Variants in UNC5D observed in about 807,000 individuals in gnomAD.
UNC5D encodes the protein netrin receptor UNC5D.
A neutral mutation model predicts 105.4 loss-of-function variants in UNC5D; 39 were observed. The ratio of observed to expected loss-of-function variants is 0.37; its 90% CI spans 0.29 to 0.48. The LOEUF (loss-of-function observed/expected upper bound fraction) is 0.48, where lower values mean the gene tolerates loss of function less well. Among genes scored for constraint, UNC5D ranks in the 20% least tolerant of loss-of-function variants. The pLI is 0.98. For missense variants in UNC5D, 991 were observed against 1,202.4 expected (o/e 0.82, Z 2.60); for synonymous variants, 452 against 450.4 (o/e 1.00, Z -0.04).
intron 1 of UNC5D, among the ~76,000 whole-genome samples, chr8:35,278,404 CA>C: frequency 6.6e-6 from 1 of 151,900 alleles, no homozygotes; most frequent in East Asian, 1.9e-4. Flanking sequence ...TTATATCTAG[CA>C]AAAAAATCCT....
chr8:35,251,614 G>T (rs1213399889), intron 1 of UNC5D, among the ~76,000 whole-genome samples: 1 of 152,186 alleles, frequency 6.6e-6, no homozygotes, highest in Admixed American at 6.5e-5. Flanking sequence ...TATATGGAAA[G>T]ATTATACAGT....
chr8:35,789,607 G>A (rs1802935838), intron 16 of UNC5D, among the ~76,000 whole-genome samples: 1 of 152,022 alleles, frequency 6.6e-6, no homozygotes, highest in Admixed American at 6.6e-5. Context: ...AGAGGCATCT[G>A]TAACTGGAAC....
At chr8:35,484,195 A>G (rs1205532389) in intron 1 of UNC5D, among the ~76,000 whole-genome samples, 1 of 152,126 alleles carries the variant, frequency 6.6e-6, no homozygotes, top group Non-Finnish European at 1.5e-5. Context: ...CAAAGAAAAA[A>G]ATTAAGAAGG....
chr8:35,365,591 C>CAAAAAAAAAAAAAAAAAAAAAAA (rs10715369), intron 1 of UNC5D, among the ~76,000 whole-genome samples: 4 of 49,884 alleles, frequency 8.0e-5, no homozygotes, highest in African/African-American at 3.2e-4. Context: ...CCATCCCCTG[C>CAAAAAAAAAAAAAAAAAAAAAAA]AAAAAAAAAA....
chr8:35,729,148 A>G (rs1829052783), intron 10 of UNC5D, among the ~76,000 whole-genome samples: 1 of 152,240 alleles, frequency 6.6e-6, no homozygotes, highest in South Asian at 2.1e-4. Context: ...GGTTGAATTC[A>G]GGAGTATTCT....
At chr8:35,740,696 G>A (rs1829714294) in intron 11 of UNC5D, among the ~76,000 whole-genome samples, 1 of 152,086 alleles carries the variant, frequency 6.6e-6, no homozygotes, top group Admixed American at 6.6e-5. Flanking sequence ...ATATATCCCA[G>A]GGAACATATT....
intron 1 of UNC5D, among the ~76,000 whole-genome samples, chr8:35,299,804 A>G (rs1379217349): frequency 1.3e-5 from 2 of 152,200 alleles, no homozygotes; most frequent in East Asian, 3.9e-4. Context: ...TGAATAAATG[A>G]TAGTGCAGCT....
chr8:35,558,787 A>G (rs1213689136), intron 2 of UNC5D, among the ~76,000 whole-genome samples: 2 of 152,200 alleles, frequency 1.3e-5, no homozygotes, highest in Non-Finnish European at 2.9e-5. Flanking sequence ...GTTTCAGACC[A>G]GCCTGGCCAA....
At chr8:35,569,257 C>G (rs1396176093) in intron 3 of UNC5D, among the ~76,000 whole-genome samples, 3 of 152,132 alleles carry the variant, frequency 2.0e-5, no homozygotes, top group Non-Finnish European at 4.4e-5. Context: ...CCATGGATCC[C>G]CATAAAACCT....
chr8:35,491,199 C>T (rs901268549), intron 1 of UNC5D, among the ~76,000 whole-genome samples: 2 of 152,094 alleles, frequency 1.3e-5, no homozygotes, highest in Non-Finnish European at 2.9e-5. Context: ...CAAAAAAGGA[C>T]GTCCTTCCAG....
At chr8:35,498,349 C>G (rs2130203869) in intron 1 of UNC5D, among the ~76,000 whole-genome samples, 1 of 151,740 alleles carries the variant, frequency 6.6e-6, no homozygotes, top group East Asian at 1.9e-4. Flanking sequence ...TGAAAAGATG[C>G]AAAACCATCC....
intron 8 of UNC5D, among the ~76,000 whole-genome samples, chr8:35,716,246 AAAT>A (rs1208866406): frequency 2.0e-5 from 3 of 152,200 alleles, no homozygotes; most frequent in Non-Finnish European, 4.4e-5. Context: ...ATCATCAGTA[AAAT>A]AAGATATTAA....
chr8:35,426,915 G>C (rs528808102), intron 1 of UNC5D, among the ~76,000 whole-genome samples: 1 of 152,266 alleles, frequency 6.6e-6, no homozygotes, highest in South Asian at 2.1e-4. Flanking sequence ...AGCACAGTGA[G>C]TAAAAGCCAT....
At chr8:35,358,354 G>A (rs1194168993) in intron 1 of UNC5D, among the ~76,000 whole-genome samples, 1 of 152,110 alleles carries the variant, frequency 6.6e-6, no homozygotes, top group Non-Finnish European at 1.5e-5. Context: ...GCAGGGACAT[G>A]GATGAGCTGG....
chr8:35,547,264 G>A (rs533027658), intron 1 of UNC5D, among the ~76,000 whole-genome samples: 3 of 144,442 alleles, frequency 2.1e-5, no homozygotes, highest in African/African-American at 5.1e-5. Flanking sequence ...TCCTCCTGTA[G>A]TTCCTCAACA....
intron 4 of UNC5D, among the ~76,000 whole-genome samples, chr8:35,657,082 A>ATATATATATATATATATATGTATG (rs1563637876): frequency 1.4e-4 from 4 of 28,326 alleles, no homozygotes; most frequent in Admixed American, 3.9e-4. Context: ...GTGTGTGTGT[A>ATATATATATATATATATATGTATG]TATATATATA....
At chr8:35,330,248 TG>T (rs771713099) in intron 1 of UNC5D, among the ~76,000 whole-genome samples, 4 of 152,186 alleles carry the variant, frequency 2.6e-5, no homozygotes, top group Non-Finnish European at 5.9e-5. Context: ...GCTCAATAAA[TG>T]CCTCTTAGGT....
At chr8:35,377,666 C>G (rs971559820) in intron 1 of UNC5D, among the ~76,000 whole-genome samples, 1 of 152,068 alleles carries the variant, frequency 6.6e-6, no homozygotes, top group African/African-American at 2.4e-5. Flanking sequence ...AGAAAGGTGA[C>G]AATATATATC....
At position 35,333,192 on chromosome 8, in the gene UNC5D, G is replaced by T. The variant is rs151272558; in HGVS notation, c.103+97305G>T. Among the ~76,000 whole-genome samples the T allele has an allele frequency of 2.7e-3, 409 of 152,160 alleles. 2 individuals are homozygous for T. The highest frequency in any genetic ancestry group is 9.2e-3 in the African/African-American group (383 of 41,520). On this transcript the variant is annotated intron_variant, in intron 1 of 16. Transcript: ENST00000404895. ...CTACAAAAAATTTTTTAAAAAATTA[G>T]CTGGCTGTGTCTCAGCTACTCAGCA...
Sources: allele counts gnomAD v4.1 joint callset (sites outside exome capture counted in the v4.1 genomes callset), GRCh38; gene constraint gnomAD v4.1.1; transcripts MANE v1.5; gene names NCBI Gene and HGNC (gene_info 2026-07-23, HGNC 2026-07-21).